MCPH1: variants seen among roughly 807,000 people sequenced by gnomAD.
The protein encoded by MCPH1 is microcephalin.
In MCPH1, 104 loss-of-function variants were observed where a neutral mutation model predicts 84.5. The observed-to-expected ratio is 1.23, with a 90% CI of 1.05 to 1.45. MCPH1 has a LOEUF of 1.45. Ranked by LOEUF, MCPH1 falls within the 40% of genes most tolerant of loss-of-function variation. The probability of loss-of-function intolerance (pLI) is 0.00; values close to 1 mark genes in which losing one functional copy is unlikely to be tolerated. For missense variants in MCPH1, 1,498 were observed against 1,005.7 expected (o/e 1.49, Z -6.62); for synonymous variants, 514 against 366.8 (o/e 1.40, Z -4.58).
rs749767790 is a variant in MCPH1, at chr8:6,519,918, G to A, written c.2214+19989G>A. The A allele has an allele frequency of 2.5e-6, 4 of 1,613,592 alleles. No individual in the cohort carries two copies. In the East Asian group the frequency reaches 6.7e-5, roughly 27 times the overall value. On this transcript the variant is annotated intron_variant, in intron 12 of 13. Transcript: ENST00000344683. Reference sequence around the variant, plus strand: ...TTAACGTGTAGATGCCATTCGTGGTGTGTCCTGATTTGAATACTTCAGCAC... The same window carrying A: ...TTAACGTGTAGATGCCATTCGTGGTATGTCCTGATTTGAATACTTCAGCAC...
At chr8:6,633,076 G>A (rs1359676188) in intron 13 of MCPH1, among the ~76,000 whole-genome samples, 2 of 151,334 alleles carry the variant, frequency 1.3e-5, no homozygotes, top group Admixed American at 6.6e-5. Context: ...TCTTAACTAT[G>A]GAGGTTATCT....
At chr8:6,480,239 C>T (rs1340060501) in intron 10 of MCPH1, among the ~76,000 whole-genome samples, 1 of 152,084 alleles carries the variant, frequency 6.6e-6, no homozygotes, top group African/African-American at 2.4e-5. Context: ...TTCTGTCTGC[C>T]TCAGCCTCCT....
Position 6,445,619 on chromosome 8 carries a change from A to C in MCPH1, c.1825+72A>C, listed in dbSNP as rs182472674. Reference sequence around the variant, plus strand: ...AACAGTGCATCCATATTTTAAATTTATCACAACTTTTTCATAACTTATTTC... The same window carrying C: ...AACAGTGCATCCATATTTTAAATTTCTCACAACTTTTTCATAACTTATTTC... On this transcript the variant is annotated intron_variant, in intron 8 of 13. Coordinates refer to ENST00000344683, the MANE Select transcript of MCPH1 (RefSeq NM_024596.5). The C allele has an allele frequency of 1.7e-4, 264 of 1,510,174 alleles. 1 individual carries two copies. In the East Asian group the frequency reaches 5.7e-3, roughly 32 times the overall value. The allele number at this position is 1,510,174 out of a possible 1,614,324, so 93.5% of individuals were successfully genotyped here.
At chr8:6,472,910 A>G (rs759020680) in intron 9 of MCPH1, among the ~76,000 whole-genome samples, 1 of 152,266 alleles carries the variant, frequency 6.6e-6, no homozygotes, top group Non-Finnish European at 1.5e-5. Flanking sequence ...CTATTTAATC[A>G]AAGTGACTGT....
rs545748519 is a variant in MCPH1 at position 6,563,101 on chromosome 8, C to A, written c.2215-58353C>A. 6.6e-4 allele frequency: 427 copies of A among 650,626 alleles called. 1 individual carries two copies. Among genetic ancestry groups the A allele is most frequent in the African/African-American group, 6.4e-3 (350 of 54,906 alleles). 40.3% of individuals were successfully genotyped at this position (650,626 alleles called of 1,614,324 possible). On this transcript the variant is annotated intron_variant, in intron 12 of 13. Transcript: ENST00000344683. ...TTTCCAGTAGCAAACCTGGTTTTTA[C>A]TGCTGTGTTCTCTCCAGGCATGCAG...
chr8:6,562,717 T>A (rs1825747147), intron 12 of MCPH1: 1 of 1,613,574 alleles, frequency 6.2e-7, no homozygotes, highest in Admixed American at 1.7e-5. Context: ...CGAGTCATCG[T>A]ATTCGAGCGG....
chr8:6,465,383 C>T (rs563780712), intron 9 of MCPH1, among the ~76,000 whole-genome samples: 79 of 152,326 alleles, frequency 5.2e-4, no homozygotes, highest in Non-Finnish European at 8.8e-4. Flanking sequence ...CCTGCCACTG[C>T]GCTGCTCCCA....
intron 13 of MCPH1, chr8:6,625,739 C>T: frequency 1.0e-6 from 1 of 973,942 alleles, no homozygotes; most frequent in Admixed American, 6.2e-5. Flanking sequence ...AGCAACGATC[C>T]CACCACTGTA....
intron 12 of MCPH1, among the ~76,000 whole-genome samples, chr8:6,567,497 A>C (rs1030802137): frequency 3.3e-5 from 5 of 152,186 alleles, no homozygotes; most frequent in Admixed American, 2.6e-4. Flanking sequence ...TGCTTAGAGA[A>C]AGTGCCACAC....
intron 12 of MCPH1, among the ~76,000 whole-genome samples, chr8:6,618,006 A>T (rs556954305): frequency 6.6e-6 from 1 of 152,024 alleles, no homozygotes; most frequent in East Asian, 1.9e-4. Context: ...TCCTGGGCTT[A>T]AGCAATCCAA....
chr8:6,558,387 C>T (rs954377870), intron 12 of MCPH1, among the ~76,000 whole-genome samples: 1 of 152,150 alleles, frequency 6.6e-6, no homozygotes, highest in Non-Finnish European at 1.5e-5. Context: ...AAATTACTCC[C>T]ATGGCGGTAG....
At chr8:6,435,883 C>CA (rs1802572059) in intron 4 of MCPH1, among the ~76,000 whole-genome samples, 165 bp from the exon 5 acceptor site, 1 of 152,168 alleles carries the variant, frequency 6.6e-6, no homozygotes, top group East Asian at 1.9e-4. Context: ...TATAACTGCA[C>CA]AAAAAAATAA....
chr8:6,468,192 T>C (rs1807230313), intron 9 of MCPH1, among the ~76,000 whole-genome samples: 1 of 152,204 alleles, frequency 6.6e-6, no homozygotes, highest in African/African-American at 2.4e-5. Context: ...CTCACGGTCT[T>C]GGGCTCTGTG....
chr8:6,567,120 C>T (rs1025899494), intron 12 of MCPH1, among the ~76,000 whole-genome samples: 15 of 130,106 alleles, frequency 1.2e-4, no homozygotes, highest in African/African-American at 4.3e-4. Flanking sequence ...GCACGCGGTG[C>T]GGTGACCGTG....
intron 12 of MCPH1, chr8:6,513,708 A>T (rs147299839): frequency 1.2e-6 from 2 of 1,613,060 alleles, no homozygotes; most frequent in Non-Finnish European, 1.7e-6. Flanking sequence ...TGAGAGATAG[A>T]AATGTTCATA....
At chr8:6,429,052 T>C (rs1489772310) in intron 3 of MCPH1, among the ~76,000 whole-genome samples, 1 of 152,260 alleles carries the variant, frequency 6.6e-6, no homozygotes, top group African/African-American at 2.4e-5. Flanking sequence ...ACTCATCTGC[T>C]GTTTGCATGG....
chr8:6,438,048 A>G (rs2979643), intron 5 of MCPH1, among the ~76,000 whole-genome samples: 2,307 of 152,210 alleles, frequency 0.015, 58 homozygotes, highest in African/African-American at 0.051. Flanking sequence ...ATATCCTCCA[A>G]TTTACTAGGT....
At chr8:6,421,290 CT>C (rs1323843156) in intron 3 of MCPH1, among the ~76,000 whole-genome samples, 1 of 152,168 alleles carries the variant, frequency 6.6e-6, no homozygotes, top group Non-Finnish European at 1.5e-5. Context: ...CAATTTATCA[CT>C]TTTAGAGAGG....
At chr8:6,428,510 C>T (rs1213902546) in intron 3 of MCPH1, among the ~76,000 whole-genome samples, 1 of 152,196 alleles carries the variant, frequency 6.6e-6, no homozygotes, top group Non-Finnish European at 1.5e-5. Context: ...CACCCCTTAG[C>T]CCTATCCCCT....
Sources: gnomAD v4.1 joint callset for allele counts (sites outside exome capture counted in the v4.1 genomes callset) on GRCh38, gnomAD v4.1.1 for gene constraint, MANE v1.5 for transcripts, NCBI Gene and HGNC (gene_info 2026-07-23, HGNC 2026-07-21) for gene names.